Variants in SLC4A5 observed in about 807,000 individuals in gnomAD.
The protein encoded by SLC4A5 is solute carrier family 4 member 5, also known as electrogenic sodium bicarbonate cotransporter 4.
In SLC4A5, 96 loss-of-function variants were observed where a neutral mutation model predicts 120.4. The observed-to-expected ratio is 0.80, with a 90% CI of 0.68 to 0.94. SLC4A5 has a LOEUF of 0.94. Ranked by LOEUF, SLC4A5 falls within the 40% of genes least tolerant of loss-of-function variation. The pLI is 0.00. For synonymous variants in SLC4A5, 550 were observed against 571.1 expected, an observed-to-expected ratio of 0.96 and a Z score of 0.53; for missense variants, 1,259 against 1,459.5, an observed-to-expected ratio of 0.86 and a Z score of 2.24.
At chr2:74,276,113 G>T (rs1315214094) in intron 8 of SLC4A5, among the ~76,000 whole-genome samples, 1 of 152,028 alleles carries the variant, frequency 6.6e-6, no homozygotes, top group Non-Finnish European at 1.5e-5. Flanking sequence ...TTGTAAAGAA[G>T]GAGAAAGAGT....
chr2:74,221,343 A>T, intron 30 of SLC4A5, 91 bp downstream of exon 30: 1 of 918,790 alleles, frequency 1.1e-6, no homozygotes, highest in Non-Finnish European at 1.7e-6. Flanking sequence ...CTGAGAGGAC[A>T]GCTAGCTTGG....
chr2:74,306,600 C>A (rs1471239436), intron 6 of SLC4A5: 2 of 354,102 alleles, frequency 5.6e-6, no homozygotes, highest in African/African-American at 2.1e-5. Context: ...TTTCAACTAG[C>A]AATATACATT....
intron 8 of SLC4A5, among the ~76,000 whole-genome samples, chr2:74,275,563 T>A (rs1671612172): frequency 2.0e-5 from 3 of 152,176 alleles, no homozygotes; most frequent in African/African-American, 7.2e-5. Context: ...CCTCTGCTAT[T>A]CTGGGCCAAG....
intron 5 of SLC4A5, among the ~76,000 whole-genome samples, chr2:74,320,084 G>C (rs1673058792): frequency 6.6e-6 from 1 of 152,012 alleles, no homozygotes; most frequent in African/African-American, 2.4e-5. Flanking sequence ...ATTTGAAGGA[G>C]TATATCAGAT....
At chr2:74,245,214 G>A (rs1249883387) in intron 19 of SLC4A5, among the ~76,000 whole-genome samples, 1 of 152,174 alleles carries the variant, frequency 6.6e-6, no homozygotes, top group African/African-American at 2.4e-5. Context: ...AGCTACTTGG[G>A]AGGCTGAGGC....
chr2:74,290,470 G>A (rs1672123678), intron 7 of SLC4A5: 1 of 985,376 alleles, frequency 1.0e-6, no homozygotes, highest in South Asian at 4.7e-5. Flanking sequence ...TGAAGGACTG[G>A]GGAGGTGGAG....
chr2:74,232,736 C>A (rs1415272901), intron 23 of SLC4A5, 89 bp from the exon 24 acceptor site: 10 of 1,489,484 alleles, frequency 6.7e-6, no homozygotes, highest in African/African-American at 1.4e-5. Context: ...GTTCAAGGAC[C>A]CCCTGCCTTC....
chr2:74,262,709 A>G, intron 10 of SLC4A5, among the ~76,000 whole-genome samples: 1 of 152,044 alleles, frequency 6.6e-6, no homozygotes, highest in Non-Finnish European at 1.5e-5. Context: ...AAAAAAAAAA[A>G]AAAGAACAAG....
rs897124150 is a variant in SLC4A5, at chr2:74,302,952, C to A, written c.271+1537G>T. Among the ~76,000 whole-genome samples the A allele has an allele frequency of 2.6e-5, 4 of 151,982 alleles. No homozygotes were observed. In the East Asian group the frequency reaches 7.7e-4, roughly 29 times the overall value. ...GAGGCATCCAGAACCCACACGGGGG[C>A]AAGAGGTCTTCCCAGCAGGCTTGCT... On this transcript the variant is annotated intron_variant, in intron 7 of 30. Coordinates refer to ENST00000394019, the Ensembl canonical transcript of SLC4A5.
At chr2:74,321,393 CCTT>C (rs1167122580) in intron 5 of SLC4A5, among the ~76,000 whole-genome samples, 1 of 152,164 alleles carries the variant, frequency 6.6e-6, no homozygotes, top group Non-Finnish European at 1.5e-5. Flanking sequence ...CTTCACTTTT[CCTT>C]CTTCTTCCTT....
At position 74,308,223 on chromosome 2, in the gene SLC4A5, A is replaced by G. The variant is rs144213395; in HGVS notation, c.80-3543T>C. Among the ~76,000 whole-genome samples the G allele has an allele frequency of 1.5e-4, 23 of 152,218 alleles. No individual in the cohort carries two copies. The East Asian group carries it at 4.4e-3, about 29-fold the overall frequency. ...GGCTTCTATGTGAACATAATTTTCAACTCAGTTGGGTACATACCTAGGAAC... is the reference window on the plus strand; with the variant it reads ...GGCTTCTATGTGAACATAATTTTCAGCTCAGTTGGGTACATACCTAGGAAC... On this transcript the variant is annotated intron_variant, in intron 6 of 30. Coordinates refer to ENST00000394019, the Ensembl canonical transcript of SLC4A5.
exon 18 of SLC4A5, chr2:74,248,428 G>C: frequency 6.2e-7 from 1 of 1,614,158 alleles, no homozygotes; most frequent in Non-Finnish European, 8.5e-7. Context: ...AGGCTGTCCC[G>C]AGAAGAGGCA....
intron 7 of SLC4A5, among the ~76,000 whole-genome samples, chr2:74,302,507 C>T (rs993995989): frequency 6.6e-6 from 1 of 152,174 alleles, no homozygotes; most frequent in Non-Finnish European, 1.5e-5. Flanking sequence ...ATCCCAGCTA[C>T]TCGCGAGGCT....
At chr2:74,270,854 G>C (rs1244077399) in intron 8 of SLC4A5, among the ~76,000 whole-genome samples, 5 of 152,202 alleles carry the variant, frequency 3.3e-5, no homozygotes, top group African/African-American at 1.2e-4. Flanking sequence ...TCCCAACGCA[G>C]GCAAACGTAG....
At chr2:74,241,787 G>A (rs1670457204) in intron 20 of SLC4A5, among the ~76,000 whole-genome samples, 1 of 150,094 alleles carries the variant, frequency 6.7e-6, no homozygotes, top group Non-Finnish European at 1.5e-5. Context: ...TTAACAGAAT[G>A]AGGCATGTTT....
At position 74,286,334 on chromosome 2, in the gene SLC4A5, G is replaced by A. The variant is rs1671981621; in HGVS notation, c.272-432C>T. Among the ~76,000 whole-genome samples, 5 of 152,168 alleles carry A rather than the reference G, an allele frequency of 3.3e-5. 1 individual carries two copies. The South Asian group carries it at 1.0e-3, about 32-fold the overall frequency. ...AGGCAGTCAGCCATGCAAAAGGACA[G>A]CTTGCACACCCTTGTACCATGTGGG... On this transcript the variant is annotated intron_variant, in intron 7 of 30. Transcript: ENST00000394019.
intron 6 of SLC4A5, among the ~76,000 whole-genome samples, 194 bp downstream of exon 6, chr2:74,314,751 G>A (rs1672910511): frequency 1.3e-5 from 2 of 152,202 alleles, no homozygotes; most frequent in Non-Finnish European, 2.9e-5. Flanking sequence ...GCAGTTTCCT[G>A]TCTCCAGCTT....
intron 14 of SLC4A5, among the ~76,000 whole-genome samples, chr2:74,253,925 G>T (rs1670874327): frequency 6.6e-6 from 1 of 152,134 alleles, no homozygotes; most frequent in Non-Finnish European, 1.5e-5. Context: ...AAATGGAAAT[G>T]CCACAACTAA....
At chr2:74,331,551 T>C (rs763923622) in intron 4 of SLC4A5, among the ~76,000 whole-genome samples, 1 of 152,064 alleles carries the variant, frequency 6.6e-6, no homozygotes, top group Non-Finnish European at 1.5e-5. Context: ...TGATTACACA[T>C]GTGAAATGGT....
Sources: gnomAD v4.1 joint callset for allele counts (sites outside exome capture counted in the v4.1 genomes callset) on GRCh38, gnomAD v4.1.1 for gene constraint, MANE v1.5 for transcripts, NCBI Gene and HGNC (gene_info 2026-07-23, HGNC 2026-07-21) for gene names.